Variants in EIF3L observed in about 807,000 individuals in gnomAD.
The protein encoded by EIF3L is eukaryotic translation initiation factor 3 subunit L, also known as eIEF associated protein HSPC021.
In EIF3L, 32 loss-of-function variants were observed where a neutral mutation model predicts 74.6. The ratio of observed to expected loss-of-function variants is 0.43; its 90% CI spans 0.32 to 0.58. EIF3L has a LOEUF of 0.58. Among genes scored for constraint, EIF3L ranks in the 20% least tolerant of loss-of-function variants. The pLI is 0.06. For synonymous variants in EIF3L, 256 were observed against 254.4 expected, an observed-to-expected ratio of 1.01 and a Z score of -0.06; for missense variants, 474 against 707.8, an observed-to-expected ratio of 0.67 and a Z score of 3.75.
rs1290072924 is a variant in EIF3L, at chr22:37,851,465, G to C, written c.268G>C (p.Glu90Gln). The C allele has an allele frequency of 2.5e-6, 4 of 1,613,458 alleles. No individual in the cohort carries two copies. The African/African-American group carries it at 5.3e-5, about 22-fold the overall frequency. Residue 90 changes from glutamate to glutamine, a missense_variant, in exon 3 of 13, where the codon GAG becomes CAG. Physicochemically the swap from Glu to Gln is conservative, Grantham distance 29 (BLOSUM62 2). This residue lies in a region of EIF3L where 141 missense variants were observed against 197.7 expected (regional missense o/e 0.71). Transcript: ENST00000652021. The stretch of plus-strand genomic sequence containing the variant: ...TGATGTCATTGACCAGAAGGTGTAT[G>C]AGATCCAGGACATCTATGAGAACAG... ...SSDVIDQKVY[E>Q]IQDIYENSWT...
At chr22:37,877,619 G>T in intron 10 of EIF3L, 55 bp from the exon 11 acceptor site, 1 of 1,534,678 alleles carries the variant, frequency 6.5e-7, no homozygotes, top group South Asian at 1.3e-5. Context: ...TGGCAGTGGG[G>T]ACCTCAGGAA....
intron 11 of EIF3L, chr22:37,882,322 A>G (rs1039610878): frequency 6.6e-6 from 1 of 151,982 alleles, no homozygotes; most frequent in Non-Finnish European, 1.5e-5. Flanking sequence ...AAAAGAGAAA[A>G]AGCATTTTGG....
chr22:37,869,694 A>G (rs917396229), intron 7 of EIF3L, among the ~76,000 whole-genome samples: 10 of 152,092 alleles, frequency 6.6e-5, no homozygotes, highest in African/African-American at 2.4e-4. Context: ...TAGAGAGGTG[A>G]CATAGTCTGG....
At chr22:37,853,712 A>G (rs1210699337) in intron 3 of EIF3L, among the ~76,000 whole-genome samples, 1 of 152,210 alleles carries the variant, frequency 6.6e-6, no homozygotes, top group African/African-American at 2.4e-5. Context: ...TTATTTCTAT[A>G]TGTAATCAGT....
chr22:37,869,095 C>T (rs899192253), intron 7 of EIF3L, among the ~76,000 whole-genome samples: 1 of 152,006 alleles, frequency 6.6e-6, no homozygotes, highest in Admixed American at 6.6e-5. Flanking sequence ...TTTTATATTA[C>T]AAAATTAGCA....
chr22:37,857,558 A>G (rs1313605552), intron 4 of EIF3L, among the ~76,000 whole-genome samples: 1 of 150,110 alleles, frequency 6.7e-6, no homozygotes, highest in African/African-American at 2.5e-5. Context: ...TCCCCCTAAG[A>G]TGGAGTCACG....
In EIF3L at chr22:37,849,636, T is replaced by C. The variant is rs1425217568; in HGVS notation, c.33+154T>C. 3.6e-6 allele frequency: 3 copies of C among 839,236 alleles called. No homozygotes were observed. In the East Asian group the frequency reaches 7.7e-5, roughly 21 times the overall value. The allele number at this position is 839,236 out of a possible 1,614,324, so 52.0% of individuals were successfully genotyped here. Reference sequence around the variant, plus strand: ...GGCTGCTCCCACAGTTCCCGGTCCCTAGACAACCCTGGCTCTGCCCGCCCA... The same window carrying C: ...GGCTGCTCCCACAGTTCCCGGTCCCCAGACAACCCTGGCTCTGCCCGCCCA... On this transcript the variant is annotated intron_variant, in intron 1 of 12. Transcript: ENST00000652021.
At chr22:37,878,946 GTT>G (rs1240043643) in intron 11 of EIF3L, 12 of 130,382 alleles carry the variant, frequency 9.2e-5, no homozygotes, top group Non-Finnish European at 9.9e-5. Flanking sequence ...TAGTGTTTTG[GTT>G]TTTTTTTTTT....
At chr22:37,884,471 T>C (rs1927218194) in intron 11 of EIF3L, 1 of 152,238 alleles carries the variant, frequency 6.6e-6, no homozygotes. Flanking sequence ...TTGGGTAGTT[T>C]GTTTTTGAAA....
At chr22:37,852,552 A>G (rs1925282710) in intron 3 of EIF3L, among the ~76,000 whole-genome samples, 1 of 152,184 alleles carries the variant, frequency 6.6e-6, no homozygotes, top group Non-Finnish European at 1.5e-5. Context: ...GCAAGTCAGA[A>G]GGATGAGGGA....
intron 12 of EIF3L, chr22:37,887,902 C>T (rs1002727308): frequency 1.3e-5 from 2 of 152,802 alleles, no homozygotes; most frequent in African/African-American, 4.8e-5. Context: ...TCTTGTGGGT[C>T]AGGCCAAACA....
At chr22:37,852,083 C>T (rs552397086) in intron 3 of EIF3L, among the ~76,000 whole-genome samples, 2 of 152,040 alleles carry the variant, frequency 1.3e-5, no homozygotes, top group East Asian at 1.9e-4. Flanking sequence ...GGATTACAAG[C>T]GTGAGCCACC....
chr22:37,886,685 C>A (rs1220954542), intron 11 of EIF3L, 80 bp from the exon 12 acceptor site: 2 of 1,231,148 alleles, frequency 1.6e-6, no homozygotes, highest in East Asian at 2.5e-5. Context: ...TTATCACTTG[C>A]AAGTCCATGG....
intron 2 of EIF3L, chr22:37,850,697 T>C (rs149500715): frequency 3.7e-5 from 6 of 161,972 alleles, no homozygotes; most frequent in African/African-American, 9.6e-5. Context: ...CCGAATGAAA[T>C]CTTTTTAGGA....
At position 37,870,301 on chromosome 22, in the gene EIF3L, A is replaced by G; in HGVS notation, c.705A>G (p.Val235=). 2 of 1,613,492 alleles carry G rather than the reference A, an allele frequency of 1.2e-6. No individual in the cohort carries two copies. Among genetic ancestry groups the G allele is most frequent in the Non-Finnish European group, 1.7e-6 (2 of 1,179,586 alleles). The part of the protein sequence containing the change: ...HSVLNVLHSL[V]DKSNINRQLE... ...TCCTCAATGTCCTTCATTCCCTGGT[A>G]GACAAATCCAACATCAACCGACAGT... Residue 235 remains valine (V), a synonymous_variant, in exon 8 of 13, where the codon GTA becomes GTG. Coordinates refer to ENST00000652021, the MANE Select transcript of EIF3L (RefSeq NM_016091.4).
At chr22:37,849,660 C>A in intron 1 of EIF3L, 178 bp downstream of exon 1, 1 of 692,004 alleles carries the variant, frequency 1.4e-6, no homozygotes, top group Non-Finnish European at 2.4e-6. Context: ...TCTGCCCGCC[C>A]ACTTCGCGTG....
intron 10 of EIF3L, 106 bp from the exon 11 acceptor site, chr22:37,877,568 T>G: frequency 7.3e-7 from 1 of 1,363,878 alleles, no homozygotes; most frequent in Non-Finnish European, 1.0e-6. Flanking sequence ...ATGAAACAAC[T>G]GGGTAAGTCA....
intron 4 of EIF3L, among the ~76,000 whole-genome samples, chr22:37,857,327 G>A (rs1227676497): frequency 5.0e-5 from 6 of 120,824 alleles, no homozygotes; most frequent in Non-Finnish European, 7.9e-5. Flanking sequence ...CTGAGATTGC[G>A]CCACTGGACT....
chr22:37,861,678 C>T (rs1472754073), intron 5 of EIF3L, among the ~76,000 whole-genome samples: 1 of 149,256 alleles, frequency 6.7e-6, no homozygotes, highest in Admixed American at 6.6e-5. Context: ...AGCGAGACTC[C>T]GTCTCAAAAA....
Sources: gnomAD v4.1 joint callset for allele counts (sites outside exome capture counted in the v4.1 genomes callset) on GRCh38, gnomAD v4.1.1 for gene constraint, gnomAD v4.1.1 regional missense constraint, MANE v1.5 for transcripts, NCBI Gene and HGNC (gene_info 2026-07-23, HGNC 2026-07-21) for gene names.